The following HCN1 variants were observed in gnomAD, a reference collection of about 807,000 sequenced individuals.
HCN1 encodes the protein potassium/sodium hyperpolarization-activated cyclic nucleotide-gated channel 1.
In HCN1, 13 loss-of-function variants were observed where a neutral mutation model predicts 78.9. The ratio of observed to expected loss-of-function variants is 0.16; its 90% CI spans 0.11 to 0.26. HCN1 has a LOEUF of 0.26. HCN1 is among the 10% of genes least tolerant of loss of function. HCN1 has a pLI of 1.00. For missense variants in HCN1, 810 were observed against 1,154.3 expected, an observed-to-expected ratio of 0.70 and a Z score of 4.32; for synonymous variants, 552 against 455.5, an observed-to-expected ratio of 1.21 and a Z score of -2.70.
intron 3 of HCN1, among the ~76,000 whole-genome samples, chr5:45,426,130 T>G (rs2112072177): frequency 6.6e-6 from 1 of 152,326 alleles, no homozygotes; most frequent in Non-Finnish European, 1.5e-5. Flanking sequence ...ACTGTTTGAA[T>G]AGGCAAAAAT....
intron 5 of HCN1, among the ~76,000 whole-genome samples, chr5:45,329,181 A>G (rs1746297893): frequency 6.6e-6 from 1 of 151,122 alleles, no homozygotes; most frequent in Non-Finnish European, 1.5e-5. Context: ...TACATTCACT[A>G]TGTAATATCC....
chr5:45,365,745 A>T (rs1369401187), intron 4 of HCN1, among the ~76,000 whole-genome samples: 2 of 151,832 alleles, frequency 1.3e-5, no homozygotes, highest in Non-Finnish European at 2.9e-5. Flanking sequence ...TTCTATTTTT[A>T]GTTCTTTGAG....
At chr5:45,348,218 T>C (rs1437243310) in intron 5 of HCN1, among the ~76,000 whole-genome samples, 2 of 152,162 alleles carry the variant, frequency 1.3e-5, no homozygotes, top group Non-Finnish European at 2.9e-5. Context: ...TATTCAAAGT[T>C]CTTAAAGAAA....
intron 3 of HCN1, among the ~76,000 whole-genome samples, chr5:45,401,304 T>C (rs886304309): frequency 2.1e-4 from 32 of 152,194 alleles, no homozygotes; most frequent in African/African-American, 7.7e-4. Context: ...AAGGCGTTCA[T>C]GTATTTATTT....
rs566798828 is a variant in HCN1, at chr5:45,392,090, C to T, written c.1230+4402G>A. 2.5e-3 allele frequency among the ~76,000 whole-genome samples: 384 copies of T among 152,074 alleles called. 3 individuals are homozygous for T. The highest frequency in any genetic ancestry group is 3.9e-3 in the Admixed American group (59 of 15,264). ...AAATTTTTCTTGAAGAGCATATAAC[C>T]AAGAAAGTATATATCTTAACCATAA... is the stretch of plus-strand genomic sequence containing the variant. On this transcript the variant is annotated intron_variant, in intron 4 of 7. Coordinates refer to ENST00000303230, the MANE Select transcript of HCN1 (RefSeq NM_021072.4).
At chr5:45,438,448 G>A (rs578160255) in intron 3 of HCN1, among the ~76,000 whole-genome samples, 7 of 151,886 alleles carry the variant, frequency 4.6e-5, no homozygotes, top group Admixed American at 2.6e-4. Flanking sequence ...AAAAATTAGC[G>A]GGCGTGGTGT....
At chr5:45,335,858 C>T (rs1746443035) in intron 5 of HCN1, among the ~76,000 whole-genome samples, 2 of 152,032 alleles carry the variant, frequency 1.3e-5, no homozygotes, top group South Asian at 2.1e-4. Flanking sequence ...AAGAAAATAG[C>T]TCAGAGTTGA....
intron 2 of HCN1, among the ~76,000 whole-genome samples, chr5:45,514,103 T>C (rs992579728): frequency 5.3e-5 from 8 of 152,098 alleles, no homozygotes; most frequent in Non-Finnish European, 1.2e-4. Context: ...CTAAGACCAA[T>C]GGGCAGTCTT....
At chr5:45,489,228 G>A (rs1415719599) in intron 2 of HCN1, among the ~76,000 whole-genome samples, 1 of 152,152 alleles carries the variant, frequency 6.6e-6, no homozygotes, top group African/African-American at 2.4e-5. Context: ...GCAAAGTTTT[G>A]TTGCATTTTG....
chr5:45,438,150 A>G (rs914836262), intron 3 of HCN1, among the ~76,000 whole-genome samples: 2 of 152,326 alleles, frequency 1.3e-5, no homozygotes, highest in South Asian at 4.1e-4. Context: ...GAATACTACA[A>G]AGTAGTACCA....
intron 6 of HCN1, among the ~76,000 whole-genome samples, chr5:45,270,476 C>A (rs1419025687): frequency 6.6e-6 from 1 of 152,160 alleles, no homozygotes; most frequent in Admixed American, 6.5e-5. Context: ...GCCATGGTTG[C>A]TGGCTATGGA....
chr5:45,308,600 T>G (rs977555281), intron 5 of HCN1, among the ~76,000 whole-genome samples: 1 of 152,128 alleles, frequency 6.6e-6, no homozygotes, highest in Admixed American at 6.6e-5. Flanking sequence ...ATAACTGTGG[T>G]CTGTCATAAG....
intron 5 of HCN1, among the ~76,000 whole-genome samples, chr5:45,309,381 T>C (rs954670498): frequency 1.3e-5 from 2 of 152,138 alleles, no homozygotes; most frequent in Admixed American, 1.3e-4. Flanking sequence ...CTAATTGCTA[T>C]GGCCAGAACT....
chr5:45,505,285 G>A (rs1318325277), intron 2 of HCN1, among the ~76,000 whole-genome samples: 4 of 152,114 alleles, frequency 2.6e-5, no homozygotes, highest in African/African-American at 4.8e-5. Flanking sequence ...TGTATAAGGT[G>A]TAAGAAAGGG....
intron 5 of HCN1, among the ~76,000 whole-genome samples, chr5:45,309,074 C>G (rs971938691): frequency 3.3e-5 from 5 of 151,996 alleles, no homozygotes; most frequent in African/African-American, 1.2e-4. Context: ...TTTTAGAGAT[C>G]CTTCACTTTT....
intron 2 of HCN1, among the ~76,000 whole-genome samples, chr5:45,534,117 C>T (rs1368629260): frequency 2.6e-5 from 4 of 151,816 alleles, no homozygotes; most frequent in Admixed American, 6.6e-5. Context: ...GATGTTGAGC[C>T]GGGTATGGTG....
chr5:45,360,203 G>T (rs1040148736), intron 4 of HCN1, among the ~76,000 whole-genome samples: 3 of 151,324 alleles, frequency 2.0e-5, no homozygotes, highest in African/African-American at 7.3e-5. Context: ...TTCTGAAGAG[G>T]TATTTTTCTT....
intron 1 of HCN1, among the ~76,000 whole-genome samples, chr5:45,683,363 T>A (rs1739742017): frequency 6.6e-6 from 1 of 152,162 alleles, no homozygotes; most frequent in African/African-American, 2.4e-5. Context: ...AATGTATTTA[T>A]CTTAGAAGCA....
intron 4 of HCN1, among the ~76,000 whole-genome samples, chr5:45,373,708 C>G (rs1159175608): frequency 8.5e-6 from 1 of 117,208 alleles, no homozygotes; most frequent in Non-Finnish European, 1.7e-5. Context: ...TATACGTCAT[C>G]TATAATATAT....
Sources: gnomAD v4.1 joint callset for allele counts (sites outside exome capture counted in the v4.1 genomes callset) on GRCh38, gnomAD v4.1.1 for gene constraint, MANE v1.5 for transcripts, NCBI Gene and HGNC (gene_info 2026-07-23, HGNC 2026-07-21) for gene names.